The following PLXNB2 variants were observed in gnomAD, a reference collection of about 807,000 sequenced individuals.
PLXNB2 encodes the protein plexin-B2.
PLXNB2 carries 85 observed loss-of-function variants against 202.6 expected under a neutral mutation model. The observed-to-expected ratio is 0.42, with a 90% CI of 0.35 to 0.50. PLXNB2 has a LOEUF of 0.50. Ranked by LOEUF, PLXNB2 falls within the 20% of genes least tolerant of loss-of-function variation. The pLI is 0.02. For missense variants in PLXNB2, 2,063 were observed against 2,586.2 expected, an observed-to-expected ratio of 0.80 and a Z score of 4.39; for synonymous variants, 1,239 against 1,137.6, an observed-to-expected ratio of 1.09 and a Z score of -1.79.
In PLXNB2 at chr22:50,281,069, A is replaced by T; in HGVS notation, c.3763+20T>A. 1 of 1,608,742 alleles carries T rather than the reference A, an allele frequency of 6.2e-7. No homozygotes were observed. Among genetic ancestry groups the T allele is most frequent in the Non-Finnish European group, 8.5e-7 (1 of 1,176,214 alleles). On this transcript the variant is annotated intron_variant, in intron 23 of 36. Transcript: ENST00000359337. ...CCGCCCCAGGAGGCGCCCCAGCACCAGCCCCCAAGCGGTCCCTACCTGTGA... is the reference window on the plus strand; with the variant it reads ...CCGCCCCAGGAGGCGCCCCAGCACCTGCCCCCAAGCGGTCCCTACCTGTGA...
chr22:50,300,975 G>T (rs1401010879), intron 1 of PLXNB2, among the ~76,000 whole-genome samples: 1 of 152,202 alleles, frequency 6.6e-6, no homozygotes, highest in Non-Finnish European at 1.5e-5. Context: ...CCATGCCCAA[G>T]GGGCCTGCCC....
Position 50,284,152 on chromosome 22 carries a change from T to C in PLXNB2, c.2243A>G (p.Asn748Ser), listed in dbSNP as rs766613051. The C allele has an allele frequency of 1.2e-6, 2 of 1,610,276 alleles. No homozygotes were observed. The highest frequency in any genetic ancestry group is 1.1e-5 in the South Asian group (1 of 90,928). The change falls in exon 13 of 37, where the codon AAT becomes AGT. Residue 748 changes from asparagine (N) to serine (S), a missense_variant. Asn to Ser is a conservative substitution (Grantham distance 46, BLOSUM62 1). Around this residue, in one of 2 missense-constraint regions of PLXNB2, gnomAD observed 1,303 missense variants for 1,476.8 expected, o/e 0.88. Coordinates refer to ENST00000359337, the MANE Select transcript of PLXNB2 (RefSeq NM_012401.4). This position sits in a 1 kb window ranked among gnomAD's most constrained non-coding sequence, Gnocchi z 8.0. Reference sequence around the variant, plus strand: ...CCCACCATGGAGCTTGCTGTCGATATTCTTGCCGTAAGACTTGACGTAGAG... The same window carrying C: ...CCCACCATGGAGCTTGCTGTCGATACTCTTGCCGTAAGACTTGACGTAGAG... The part of the protein sequence containing the change: ...LHLYVKSYGK[N>S]IDSKLHVTLY...
intron 27 of PLXNB2, among the ~76,000 whole-genome samples, chr22:50,279,367 T>A (rs1318446218): frequency 6.6e-6 from 1 of 152,176 alleles, no homozygotes; most frequent in Non-Finnish European, 1.5e-5. Context: ...ACACACCTGG[T>A]GTGCCAGGCC....
rs2066445908 is a variant in PLXNB2, at chr22:50,286,215, A to G, written c.1835T>C (p.Phe612Ser). The change falls in exon 9 of 37, where the codon TTC (phenylalanine) becomes TCC (serine). Residue 612 changes from phenylalanine (F) to serine (S), a missense_variant. This residue lies in a region of PLXNB2 where 1,303 missense variants were observed against 1,476.8 expected (regional missense o/e 0.88). Transcript: ENST00000359337. ...GCTCATGGCCTGGCGGCAGTCGTAG[A>G]AGGGGTACTGGTAGGACGTGAGGAA... ...NIFLTSYQYP[F>S]YDCRQAMSLE... The G allele has an allele frequency of 6.2e-7, 1 of 1,613,100 alleles. No individual in the cohort carries two copies. The highest frequency in any genetic ancestry group is 1.3e-5 in the African/African-American group (1 of 74,924).
chr22:50,295,508 G>A (rs992177999), intron 1 of PLXNB2, among the ~76,000 whole-genome samples: 1 of 152,170 alleles, frequency 6.6e-6, no homozygotes, highest in Admixed American at 6.5e-5. Context: ...AAAAGCCTCA[G>A]AGTGTTACAC....
rs199976514 is a variant in PLXNB2, at chr22:50,280,927, G to A, written c.3810C>T (p.Ala1270=). 26 of 1,612,988 alleles carry A rather than the reference G, an allele frequency of 1.6e-5. 1 individual carries two copies. The highest frequency in any genetic ancestry group is 1.3e-4 in the Admixed American group (8 of 59,984). The change falls in exon 24 of 37, where the codon GCC becomes GCT. Residue 1270 remains alanine, a synonymous_variant. Transcript: ENST00000359337. The stretch of plus-strand genomic sequence containing the variant: ...TCTTGTAGTCCAGCACGGGGATGCC[G>A]GCCTCGTGCACGTCGTTGGTCTGGT... The part of the protein sequence containing the change: ...MEDQTNDVHE[A]GIPVLDYKTY...
Position 50,278,025 on chromosome 22 carries a change from A to C in PLXNB2, c.4888-12T>G, listed in dbSNP as rs1482903831. 1 of 1,559,290 alleles carries C rather than the reference A, an allele frequency of 6.4e-7. No homozygotes were observed. Among genetic ancestry groups the C allele is most frequent in the Non-Finnish European group, 8.7e-7 (1 of 1,148,276 alleles). ...TGCTGCAGTGTGCCCTGTGGGGGGGAGGGTCTCAGCGTGACGCCGTGGGCG... is the reference window on the plus strand; with the variant it reads ...TGCTGCAGTGTGCCCTGTGGGGGGGCGGGTCTCAGCGTGACGCCGTGGGCG... On this transcript the variant is annotated splice_polypyrimidine_tract_variant and intron_variant, in intron 31 of 36. Transcript: ENST00000359337.
chr22:50,278,283 G>C lies in PLXNB2; in HGVS notation c.4733-12C>G. On this transcript the variant is annotated splice_polypyrimidine_tract_variant and intron_variant, in intron 30 of 36. Transcript: ENST00000359337. ...CAGGAGGGCATGGCCTGTGGGGAGC[G>C]GGCACTGAGGGACCCCTACCCAGGT... is the stretch of plus-strand genomic sequence containing the variant. 6.2e-7 allele frequency: 1 copy of C among 1,610,206 alleles called. No homozygotes were observed. Among genetic ancestry groups the C allele is most frequent in the African/African-American group, 1.3e-5 (1 of 75,044 alleles).
At position 50,285,977 on chromosome 22, in the gene PLXNB2, C is replaced by T. The variant is rs541251371; in HGVS notation, c.1986+13G>A. ...TGCCCTGAACAGTCCCCTGAGGCCCCGAGGCCCCTCACCATGTGGGCACGG... is the reference window on the plus strand; with the variant it reads ...TGCCCTGAACAGTCCCCTGAGGCCCTGAGGCCCCTCACCATGTGGGCACGG... On this transcript the variant is annotated intron_variant, in intron 10 of 36. Coordinates refer to ENST00000359337, the MANE Select transcript of PLXNB2 (RefSeq NM_012401.4). 3.1e-5 allele frequency: 50 copies of T among 1,610,628 alleles called. No individual in the cohort carries two copies. In the East Asian group the frequency reaches 8.0e-4, roughly 26 times the overall value.
chr22:50,302,836 C>G (rs1294102920), intron 1 of PLXNB2, among the ~76,000 whole-genome samples: 2 of 151,782 alleles, frequency 1.3e-5, no homozygotes, highest in Non-Finnish European at 2.9e-5. Flanking sequence ...GGTGTCAAGC[C>G]GGTAAGGCTG....
chr22:50,285,005 C>A, intron 11 of PLXNB2: 7 of 450,218 alleles, frequency 1.6e-5, no homozygotes, highest in South Asian at 1.3e-4. Context: ...ACACGCCTGC[C>A]TCCTCCACTG....
chr22:50,294,796 G>C lies in PLXNB2; in HGVS notation c.-73-18C>G, dbSNP rs911363439. 8.1e-6 allele frequency: 8 copies of C among 984,484 alleles called. No homozygotes were observed. The highest frequency in any genetic ancestry group is 9.7e-6 in the Non-Finnish European group (8 of 828,962). The allele number at this position is 984,484 out of a possible 1,614,324, so 61.0% of individuals were successfully genotyped here. A position where few individuals can be genotyped will look rare whatever the true frequency, so the allele number is the denominator to read the frequency against. ...GAGATTCTCTAGGAGGCAAAGGAGA[G>C]ACGCCGGTCACAAGAGGAGCCCGGT... On this transcript the variant is annotated intron_variant, in intron 1 of 36. Coordinates refer to ENST00000359337, the MANE Select transcript of PLXNB2 (RefSeq NM_012401.4).
In PLXNB2 at chr22:50,283,853, G is replaced by T; in HGVS notation, c.2401C>A (p.Pro801Thr). Residue 801 changes from proline (P) to threonine (T), a missense_variant, in exon 14 of 37, where the codon CCG (proline) becomes ACG (threonine). Physicochemically the swap from Pro to Thr is conservative, Grantham distance 38. Around this residue, in one of 2 missense-constraint regions of PLXNB2, gnomAD observed 1,303 missense variants for 1,476.8 expected, o/e 0.88. Coordinates refer to ENST00000359337, the MANE Select transcript of PLXNB2 (RefSeq NM_012401.4). ...EALCNTTSECPPPVITRIQPE... is the reference protein window; with the variant it reads ...EALCNTTSECTPPVITRIQPE... ...CTCACCCTGGTGATGACGGGCGGCGGGCACTCGGAGGTGGTGTTGCACAGG... is the reference window on the plus strand; with the variant it reads ...CTCACCCTGGTGATGACGGGCGGCGTGCACTCGGAGGTGGTGTTGCACAGG... 6.2e-7 allele frequency: 1 copy of T among 1,609,056 alleles called. No homozygotes were observed. The highest frequency in any genetic ancestry group is 8.5e-7 in the Non-Finnish European group (1 of 1,177,462).
chr22:50,276,763 G>T, intron 34 of PLXNB2, 59 bp from the exon 35 acceptor site: 1 of 1,598,884 alleles, frequency 6.3e-7, no homozygotes. Flanking sequence ...GGGGTGGTGG[G>T]GGAAACCAAG....
At position 50,289,492 on chromosome 22, in the gene PLXNB2, T is replaced by C. The variant is rs28578714; in HGVS notation, c.1068+25A>G. The C allele has an allele frequency of 0.38, 602,176 of 1,574,308 alleles. 118,659 individuals are homozygous for C. The highest frequency in any genetic ancestry group is 0.55 in the East Asian group (23,422 of 42,876). On this transcript the variant is annotated intron_variant, in intron 3 of 36. Transcript: ENST00000359337. The surrounding 1 kb of genome is among the most constrained non-coding windows in gnomAD (Gnocchi z 8.0). Reference sequence around the variant, plus strand: ...GAACGGACGCCTGCAGTCCGGGCCCTGCGAGAACACACTGAGGCCCATACC... The same window carrying C: ...GAACGGACGCCTGCAGTCCGGGCCCCGCGAGAACACACTGAGGCCCATACC...
rs2066258366 is a variant in PLXNB2 at position 50,284,324 on chromosome 22, C to T, written c.2182-111G>A. On this transcript the variant is annotated intron_variant, in intron 12 of 36. Coordinates refer to ENST00000359337, the MANE Select transcript of PLXNB2 (RefSeq NM_012401.4). This position sits in a 1 kb window ranked among gnomAD's most constrained non-coding sequence, Gnocchi z 8.0. ...CACCGGGTCCCTTCCCAGCCAAGGGCAGCAGGGGAGGCCTTCAGGTGTCGG... is the reference window on the plus strand; with the variant it reads ...CACCGGGTCCCTTCCCAGCCAAGGGTAGCAGGGGAGGCCTTCAGGTGTCGG... 1 of 1,053,466 alleles carries T rather than the reference C, an allele frequency of 9.5e-7. No homozygotes were observed. The highest frequency in any genetic ancestry group is 1.5e-6 in the Non-Finnish European group (1 of 685,488). 65.3% of individuals were successfully genotyped at this position (1,053,466 alleles called of 1,614,324 possible). A position where few individuals can be genotyped will look rare whatever the true frequency, so the allele number is the denominator to read the frequency against.
chr22:50,287,650 C>A lies in PLXNB2; in HGVS notation c.1608+17G>T. ...CGGCCTGGGGCCCAGGACCCCCACC[C>A]CAGACCCACCACGCACCTCCCCCTG... On this transcript the variant is annotated intron_variant, in intron 7 of 36. Transcript: ENST00000359337. The A allele has an allele frequency of 6.5e-7, 1 of 1,535,436 alleles. No homozygotes were observed.
At position 50,289,421 on chromosome 22, in the gene PLXNB2, C is replaced by T. The variant is rs1207534772; in HGVS notation, c.1068+96G>A. On this transcript the variant is annotated intron_variant, in intron 3 of 36. Transcript: ENST00000359337. This position sits in a 1 kb window ranked among gnomAD's most constrained non-coding sequence, Gnocchi z 8.0. ...CAGGCTGGCGAGAGCCACGGCCACA[C>T]TGCTCACGTGCACCCTCCCCAGCAG... The T allele has an allele frequency of 2.8e-6, 4 of 1,425,254 alleles. No homozygotes were observed. In the East Asian group the frequency reaches 7.5e-5, roughly 27 times the overall value. The allele number at this position is 1,425,254 out of a possible 1,614,324, so 88.3% of individuals were successfully genotyped here. A position where few individuals can be genotyped will look rare whatever the true frequency, so the allele number is the denominator to read the frequency against.
At position 50,286,193 on chromosome 22, in the gene PLXNB2, C is replaced by T. The variant is rs565870583; in HGVS notation, c.1857G>A (p.Met619Ile). 5.1e-5 allele frequency: 83 copies of T among 1,612,568 alleles called. 1 individual carries two copies. In the South Asian group the frequency reaches 8.8e-4, roughly 17 times the overall value. ...CTCACGGCAGGTTCTCCTCCAGGCT[C>T]ATGGCCTGGCGGCAGTCGTAGAAGG... ...QYPFYDCRQA[M>I]SLEENLPCIS... is the part of the protein sequence containing the mutation. The change falls in exon 9 of 37, where the codon ATG (methionine) becomes ATA (isoleucine). Residue 619 changes from methionine to isoleucine, a missense_variant. Physicochemically the swap from Met to Ile is conservative, Grantham distance 10 (BLOSUM62 1). Coordinates refer to ENST00000359337, the MANE Select transcript of PLXNB2 (RefSeq NM_012401.4).
Sources: gnomAD v4.1 joint callset for allele counts (sites outside exome capture counted in the v4.1 genomes callset) on GRCh38, gnomAD v4.1.1 for gene constraint, gnomAD v4.1.1 regional missense constraint, Gnocchi (gnomAD v3.1) non-coding constraint, MANE v1.5 for transcripts, NCBI Gene and HGNC (gene_info 2026-07-23, HGNC 2026-07-21) for gene names.